The following HERC4 variants were observed in gnomAD, a reference collection of about 807,000 sequenced individuals.
The protein encoded by HERC4 is probable E3 ubiquitin-protein ligase HERC4.
Under a neutral mutation model 124.3 loss-of-function variants are expected in HERC4, and 28 were observed. The ratio of observed to expected loss-of-function variants is 0.23; its 90% confidence interval spans 0.17 to 0.31. The LOEUF (loss-of-function observed/expected upper bound fraction) is 0.31. Among genes scored for constraint, HERC4 ranks in the 10% least tolerant of loss-of-function variants. The pLI is 1.00. For missense variants in HERC4, 713 were observed against 1,229.3 expected (o/e 0.58, Z 6.28); for synonymous variants, 407 against 421.5 (o/e 0.97, Z 0.42).
intron 7 of HERC4, among the ~76,000 whole-genome samples, chr10:68,028,768 C>T (rs2133309529): frequency 6.6e-6 from 1 of 152,320 alleles, no homozygotes; most frequent in South Asian, 2.1e-4. Context: ...TTAGATCTAT[C>T]TCTTTTCTCT....
intron 14 of HERC4, 108 bp downstream of exon 14, chr10:67,990,103 A>G (rs2036472498): frequency 2.5e-6 from 2 of 809,650 alleles, no homozygotes; most frequent in Non-Finnish European, 3.8e-6. Context: ...TTTGCCTAAG[A>G]CAGTGTCAAA....
chr10:67,969,740 G>A (rs1287255422), intron 15 of HERC4, among the ~76,000 whole-genome samples: 1 of 152,112 alleles, frequency 6.6e-6, no homozygotes, highest in African/African-American at 2.4e-5. Flanking sequence ...TGCAATTGCT[G>A]GGGGAGGGAG....
rs764455278 is a variant in HERC4, at chr10:67,936,248, A to AT, written c.2572-14dup. 1 of 1,534,246 alleles carries AT rather than the reference A, an allele frequency of 6.5e-7. No individual in the cohort carries two copies. The highest frequency in any genetic ancestry group is 8.9e-7 in the Non-Finnish European group (1 of 1,129,170). On this transcript the variant is annotated splice_polypyrimidine_tract_variant and intron_variant, in intron 21 of 24. Coordinates refer to ENST00000373700, the MANE Select transcript of HERC4 (RefSeq NM_015601.4). Reference sequence around the variant, plus strand: ...TTTCAACTGTGATCTATTAATTTAAATTTTTAAAAAAAGTCAATGTCAGAC... The same window carrying AT: ...TTTCAACTGTGATCTATTAATTTAAATTTTTTAAAAAAAGTCAATGTCAGAC...
intron 9 of HERC4, among the ~76,000 whole-genome samples, chr10:68,000,304 C>G (rs1419678168): frequency 6.6e-6 from 1 of 152,090 alleles, no homozygotes. Flanking sequence ...TTGGGCAAGG[C>G]ACGGTGGCTC....
In HERC4 at chr10:67,926,428, A is replaced by C. The variant is rs567944281; in HGVS notation, c.2839-1241T>G. 3.3e-3 allele frequency among the ~76,000 whole-genome samples: 496 copies of C among 149,526 alleles called. 2 individuals are homozygous for C. Among genetic ancestry groups the C allele is most frequent in the Non-Finnish European group, 6.2e-3 (414 of 66,972 alleles). On this transcript the variant is annotated intron_variant, in intron 23 of 24. Coordinates refer to ENST00000373700, the MANE Select transcript of HERC4 (RefSeq NM_015601.4). ...AAAAAATAAAAAATAAAAAAAAAAA[A>C]AAACAAAAAAATTAGTACTAAAAGA...
At chr10:68,056,260 A>G (rs1193892548) in intron 3 of HERC4, among the ~76,000 whole-genome samples, 1 of 152,194 alleles carries the variant, frequency 6.6e-6, no homozygotes, top group Non-Finnish European at 1.5e-5. Flanking sequence ...TTTTCGCTCT[A>G]ATGTAGCTGA....
At chr10:67,995,594 G>T (rs2036825867) in intron 9 of HERC4, among the ~76,000 whole-genome samples, 1 of 149,272 alleles carries the variant, frequency 6.7e-6, no homozygotes. Flanking sequence ...AATATGTATG[G>T]ACACTTTAGA....
At chr10:67,980,801 T>A (rs1419539105) in intron 15 of HERC4, among the ~76,000 whole-genome samples, 1 of 152,216 alleles carries the variant, frequency 6.6e-6, no homozygotes, top group Non-Finnish European at 1.5e-5. Flanking sequence ...TTTGCTTATT[T>A]GTTTATACAA....
At position 67,954,723 on chromosome 10, in the gene HERC4, C is replaced by T; in HGVS notation, c.2209G>A (p.Glu737Lys). 6.2e-7 allele frequency: 1 copy of T among 1,613,140 alleles called. No individual in the cohort carries two copies. Among genetic ancestry groups the T allele is most frequent in the South Asian group, 1.1e-5 (1 of 91,014 alleles). Residue 737 changes from glutamate (E) to lysine (K), a missense_variant, in exon 19 of 25, where the codon GAA (glutamate) becomes AAA (lysine). Transcript: ENST00000373700. ...KKPLKVIFVG[E>K]DAVDAGGVRK... ...ACCCCTCCTGCATCCACAGCATCTT[C>T]TCCAACAAATATAACCTAAAATAGC...
intron 3 of HERC4, among the ~76,000 whole-genome samples, chr10:68,066,061 A>G (rs1238572411): frequency 2.0e-5 from 3 of 152,080 alleles, no homozygotes; most frequent in Admixed American, 6.6e-5. Flanking sequence ...AGTGTTACCC[A>G]TTTTTCTACT....
intron 8 of HERC4, among the ~76,000 whole-genome samples, chr10:68,014,765 G>A (rs1183864193): frequency 6.6e-6 from 1 of 152,178 alleles, no homozygotes; most frequent in Non-Finnish European, 1.5e-5. Flanking sequence ...CAGATCTGAA[G>A]CTAAGGATGA....
At chr10:68,012,381 T>C (rs902921795) in intron 9 of HERC4, among the ~76,000 whole-genome samples, 3 of 152,198 alleles carry the variant, frequency 2.0e-5, no homozygotes, top group African/African-American at 7.2e-5. Context: ...TAGCTTTTGA[T>C]TTAAAGTGAG....
intron 8 of HERC4, among the ~76,000 whole-genome samples, chr10:68,020,010 G>C (rs1030907367): frequency 6.6e-6 from 1 of 151,970 alleles, no homozygotes; most frequent in South Asian, 2.1e-4. Context: ...TGTTTCTTTG[G>C]GGAGCCAGGC....
chr10:68,002,781 G>C (rs1018970791), intron 9 of HERC4, among the ~76,000 whole-genome samples: 1 of 151,738 alleles, frequency 6.6e-6, no homozygotes, highest in Non-Finnish European at 1.5e-5. Context: ...TGTATTTTTA[G>C]TTCAGACGGA....
intron 19 of HERC4, among the ~76,000 whole-genome samples, chr10:67,941,669 C>CTTTT (rs755666986): frequency 3.2e-4 from 29 of 91,768 alleles, no homozygotes; most frequent in East Asian, 4.9e-4. Flanking sequence ...TAAAACACAA[C>CTTTT]TTTTTTTTTT....
chr10:68,070,033 C>G lies in HERC4; in HGVS notation c.226+2850G>C, dbSNP rs564725944. The G allele has an allele frequency of 1.7e-4, 159 of 944,744 alleles. 1 individual carries two copies. The African/African-American group carries it at 2.4e-3, about 14-fold the overall frequency. 58.5% of individuals were successfully genotyped at this position (944,744 alleles called of 1,614,324 possible). ...TTCCAGCCTGGGCAACAGAGTGAGA[C>G]TCTGTCTCAAACAAAACGAAACAAA... On this transcript the variant is annotated intron_variant, in intron 3 of 24. Transcript: ENST00000373700.
In HERC4 at chr10:67,991,001, T is replaced by C; in HGVS notation, c.1346A>G (p.Tyr449Cys). 1 of 1,529,362 alleles carries C rather than the reference T, an allele frequency of 6.5e-7. No homozygotes were observed. The allele number at this position is 1,529,362 out of a possible 1,614,324, so 94.7% of individuals were successfully genotyped here. The change falls in exon 13 of 25, where the codon TAT (tyrosine) becomes TGT (cysteine). Residue 449 changes from tyrosine (Y) to cysteine (C), a missense_variant. By Grantham distance (194) the Tyr-to-Cys change is radical (BLOSUM62 -2). Transcript: ENST00000373700. ...SFLAVSNDDH[Y>C]RTGTRFSGVD... ...CCCTGAAAATCTGGTACCTGTTCTATAGTGATCATCATTGCTAAAAAACAG... is the reference window on the plus strand; with the variant it reads ...CCCTGAAAATCTGGTACCTGTTCTACAGTGATCATCATTGCTAAAAAACAG...
At chr10:68,027,249 A>G (rs1163756902) in intron 7 of HERC4, among the ~76,000 whole-genome samples, 1 of 152,238 alleles carries the variant, frequency 6.6e-6, no homozygotes, top group South Asian at 2.1e-4. Context: ...GAAAATTTCA[A>G]GCAAATACAC....
At chr10:68,070,507 G>A (rs1417371636) in intron 3 of HERC4, 1 of 163,296 alleles carries the variant, frequency 6.1e-6, no homozygotes, top group Non-Finnish European at 1.3e-5. Flanking sequence ...TCGGGAGGCT[G>A]AGGCAGGAGA....
Sources: allele counts gnomAD v4.1 joint callset (sites outside exome capture counted in the v4.1 genomes callset), GRCh38; gene constraint gnomAD v4.1.1; transcripts MANE v1.5; gene names NCBI Gene and HGNC (gene_info 2026-07-23, HGNC 2026-07-21).